CCDC106: variants seen among roughly 807,000 people sequenced by gnomAD.
The protein encoded by CCDC106 is coiled-coil domain-containing protein 106.
CCDC106 carries 17 observed loss-of-function variants against 24.7 expected under a neutral mutation model. That is an observed-to-expected ratio of 0.69 (90% CI 0.47 to 1.03). CCDC106 has a LOEUF of 1.03. Among genes scored for constraint, CCDC106 ranks in the 50% least tolerant of loss-of-function variants. The pLI, the probability that CCDC106 is intolerant of heterozygous loss-of-function variation, is 0.00. For missense variants in CCDC106, 337 were observed against 388.9 expected (o/e 0.87, Z 1.12); for synonymous variants, 211 against 161.3 (o/e 1.31, Z -2.34).
chr19:55,653,002 G>C lies in CCDC106; in HGVS notation c.*256G>C, dbSNP rs980463948. 240 of 450,774 alleles carry C rather than the reference G, an allele frequency of 5.3e-4. No individual in the cohort carries two copies. Among genetic ancestry groups the C allele is most frequent in the African/African-American group, 4.6e-3 (223 of 48,604 alleles). 27.9% of individuals were successfully genotyped at this position (450,774 alleles called of 1,614,324 possible). A position where few individuals can be genotyped will look rare whatever the true frequency, so the allele number is the denominator to read the frequency against. On this transcript the variant is annotated 3_prime_UTR_variant, in exon 5 of 5. Transcript: ENST00000586790. Reference sequence around the variant, plus strand: ...CTCCTGGAAAACCAGGCAGGCGGGTGCCCCCCCCTCGAGTGGGGGACTGTA... The same window carrying C: ...CTCCTGGAAAACCAGGCAGGCGGGTCCCCCCCCCTCGAGTGGGGGACTGTA...
Position 55,651,290 on chromosome 19 carries a change from C to T in CCDC106, c.321C>T (p.His107=), listed in dbSNP as rs1487064034. 6.2e-7 allele frequency: 1 copy of T among 1,612,678 alleles called. No individual in the cohort carries two copies. ...GTGTCTCCATCTCCCCAGAGGACCACTGCCGGATGAAGCCTGGGCCCAGGC... is the reference window on the plus strand; with the variant it reads ...GTGTCTCCATCTCCCCAGAGGACCATTGCCGGATGAAGCCTGGGCCCAGGC... ...ISSARMEAED[H]CRMKPGPRRM... The change falls in exon 4 of 5, where the codon CAC becomes CAT. Residue 107 remains histidine, a synonymous_variant. Coordinates refer to ENST00000586790, the MANE Select transcript of CCDC106 (RefSeq NM_001370470.1).
intron 3 of CCDC106, among the ~76,000 whole-genome samples, chr19:55,650,888 G>A (rs1983209832): frequency 6.6e-6 from 1 of 152,118 alleles, no homozygotes; most frequent in African/African-American, 2.4e-5. Context: ...ATTTCTCTCG[G>A]TCTGACCCCC....
intron 3 of CCDC106, 134 bp from the exon 4 acceptor site, chr19:55,651,149 C>A: frequency 2.8e-6 from 2 of 720,556 alleles, no homozygotes; most frequent in East Asian, 2.6e-5. Context: ...TACCGTACTC[C>A]TTGTCTCTCT....
At chr19:55,651,752 C>T (rs1312574871) in intron 4 of CCDC106, among the ~76,000 whole-genome samples, 1 of 152,028 alleles carries the variant, frequency 6.6e-6, no homozygotes. Flanking sequence ...ATCTCCGCCT[C>T]CCGGGTCCAC....
rs372566373 is a variant in CCDC106, at chr19:55,652,389, G to T, written c.527-41G>T. 3.3e-6 allele frequency: 5 copies of T among 1,536,678 alleles called. No homozygotes were observed. The Admixed American group carries it at 7.3e-5, about 23-fold the overall frequency. ...CCCGTGTCCGCCCCCTCAGTCTTGT[G>T]CCCTGCCCCTCACTTTCGTGTCCCC... On this transcript the variant is annotated intron_variant, in intron 4 of 4. Transcript: ENST00000586790. This position sits in a 1 kb window ranked among gnomAD's most constrained non-coding sequence, Gnocchi z 5.9.
upstream of CCDC106, among the ~76,000 whole-genome samples, chr19:55,647,834 G>A (rs1248208977): frequency 6.6e-6 from 1 of 151,966 alleles, no homozygotes; most frequent in Non-Finnish European, 1.5e-5. Context: ...TTCTCCTTTC[G>A]CTCCAACTTT....
rs1202806132 is a variant in CCDC106, at chr19:55,649,306, G to C, written c.133G>C (p.Glu45Gln). Reference protein sequence around the residue: ...YSLSPSRRNFEEPPEAASSAL... With the variant: ...YSLSPSRRNFQEPPEAASSAL... ...TCTGAGCCCCTCTCGGAGAAACTTC[G>C]AGGGTGAGCTGAGGGGGTGTGGAGG... is the stretch of plus-strand genomic sequence containing the variant. Residue 45 changes from glutamate (E) to glutamine (Q), a missense_variant, in exon 2 of 5, where the codon GAG (glutamate) becomes CAG (glutamine). Around this residue, in one of 2 missense-constraint regions of CCDC106, gnomAD observed 234 missense variants for 236.5 expected, o/e 0.99. Coordinates refer to ENST00000586790, the MANE Select transcript of CCDC106 (RefSeq NM_001370470.1). 1 of 1,613,764 alleles carries C rather than the reference G, an allele frequency of 6.2e-7. No individual in the cohort carries two copies. The highest frequency in any genetic ancestry group is 1.3e-5 in the African/African-American group (1 of 74,842).
intron 3 of CCDC106, among the ~76,000 whole-genome samples, chr19:55,650,985 C>T (rs1983218496): frequency 6.6e-6 from 1 of 152,208 alleles, no homozygotes; most frequent in South Asian, 2.1e-4. Context: ...ATTTCTCCCT[C>T]CCCTATGGGA....
rs772213366 is a variant in CCDC106, at chr19:55,649,305, C to G, written c.132C>G (p.Phe44Leu). The G allele has an allele frequency of 3.7e-6, 6 of 1,613,670 alleles. 1 individual carries two copies. In the South Asian group the frequency reaches 4.4e-5, roughly 12 times the overall value. ...FYSLSPSRRN[F>L]EEPPEAASSA... is the part of the protein sequence containing the mutation. The stretch of plus-strand genomic sequence containing the variant: ...GTCTGAGCCCCTCTCGGAGAAACTT[C>G]GAGGGTGAGCTGAGGGGGTGTGGAG... The change falls in exon 2 of 5, where the codon TTC becomes TTG. Residue 44 changes from phenylalanine to leucine, a missense_variant. Physicochemically the swap from Phe to Leu is conservative, Grantham distance 22 (BLOSUM62 0). Around this residue, in one of 2 missense-constraint regions of CCDC106, gnomAD observed 234 missense variants for 236.5 expected, o/e 0.99. Coordinates refer to ENST00000586790, the MANE Select transcript of CCDC106 (RefSeq NM_001370470.1).
Position 55,652,360 on chromosome 19 carries a change from C to T in CCDC106, c.527-70C>T. 3.6e-6 allele frequency: 5 copies of T among 1,378,198 alleles called. No homozygotes were observed. In the South Asian group the frequency reaches 6.6e-5, roughly 18 times the overall value. 85.4% of individuals were successfully genotyped at this position (1,378,198 alleles called of 1,614,324 possible). A position where few individuals can be genotyped will look rare whatever the true frequency, so the allele number is the denominator to read the frequency against. ...GATCCTTTCTTCCCATGGCCGTTTC[C>T]CTTCCCGTGTCCGCCCCCTCAGTCT... On this transcript the variant is annotated intron_variant, in intron 4 of 4. Transcript: ENST00000586790. The surrounding 1 kb of genome is among the most constrained non-coding windows in gnomAD (Gnocchi z 5.9).
rs1012727271 is a variant in CCDC106, at chr19:55,652,760, C to G, written c.*14C>G. ...TTCAAGCGGTGATCGCACCACGCCT[C>G]CGCGCCTCCACCCGGGCCTTCCTCC... On this transcript the variant is annotated 3_prime_UTR_variant, in exon 5 of 5. Coordinates refer to ENST00000586790, the MANE Select transcript of CCDC106 (RefSeq NM_001370470.1). This position sits in a 1 kb window ranked among gnomAD's most constrained non-coding sequence, Gnocchi z 5.9. 6.3e-7 allele frequency: 1 copy of G among 1,595,056 alleles called. No individual in the cohort carries two copies. Among genetic ancestry groups the G allele is most frequent in the South Asian group, 1.1e-5 (1 of 90,268 alleles).
In CCDC106 at chr19:55,648,660, G is replaced by A. The variant is rs1242794509; in HGVS notation, c.-387G>A. 2.4e-5 allele frequency: 7 copies of A among 292,914 alleles called. No individual in the cohort carries two copies. Among genetic ancestry groups the A allele is most frequent in the East Asian group, 2.2e-4 (3 of 13,908 alleles). 18.1% of individuals were successfully genotyped at this position (292,914 alleles called of 1,614,324 possible). ...GGCCTGGCAGTGGCCCGCGATGAGAGAGGGTCCTTCCCCTTCAGGCTAGGT... is the reference window on the plus strand; with the variant it reads ...GGCCTGGCAGTGGCCCGCGATGAGAAAGGGTCCTTCCCCTTCAGGCTAGGT... On this transcript the variant is annotated 5_prime_UTR_variant, in exon 1 of 5. Coordinates refer to ENST00000586790, the MANE Select transcript of CCDC106 (RefSeq NM_001370470.1).
chr19:55,651,354 G>T lies in CCDC106; in HGVS notation c.385G>T (p.Ala129Ser). ...GDSRGGAGGE[A>S]SDPESAASSL... ...CAGCCGTGGTGGGGCTGGGGGCGAG[G>T]CCTCGGACCCTGAGTCAGCAGCCTC... The change falls in exon 4 of 5, where the codon GCC (alanine) becomes TCC (serine). Residue 129 changes from alanine (A) to serine (S), a missense_variant. Coordinates refer to ENST00000586790, the MANE Select transcript of CCDC106 (RefSeq NM_001370470.1). 6.2e-7 allele frequency: 1 copy of T among 1,613,144 alleles called. No individual in the cohort carries two copies. Among genetic ancestry groups the T allele is most frequent in the Non-Finnish European group, 8.5e-7 (1 of 1,179,766 alleles).
Position 55,653,034 on chromosome 19 carries a change from C to T in CCDC106, c.*288C>T. 2.6e-6 allele frequency: 1 copy of T among 379,832 alleles called. No homozygotes were observed. The highest frequency in any genetic ancestry group is 4.2e-5 in the South Asian group (1 of 23,608). 23.5% of individuals were successfully genotyped at this position (379,832 alleles called of 1,614,324 possible). On this transcript the variant is annotated 3_prime_UTR_variant, in exon 5 of 5. Coordinates refer to ENST00000586790, the MANE Select transcript of CCDC106 (RefSeq NM_001370470.1). ...CCTCGAGTGGGGGACTGTACAGACC[C>T]CGTCTCCGCCCTGGCCCCGCGGAGG...
At chr19:55,651,542 A>G in intron 4 of CCDC106, 47 bp downstream of exon 4, 1 of 1,310,434 alleles carries the variant, frequency 7.6e-7, no homozygotes, top group East Asian at 2.5e-5. Flanking sequence ...GGGCTGCTGA[A>G]TTGCTGTGTG....
At position 55,649,198 on chromosome 19, in the gene CCDC106, TC is replaced by T; in HGVS notation, c.32-6del. ...CTCTGGGGTAACCCGGGGCCTCTCC[TC>T]TCCAGTGAAGGACGATGAGACCTTC... On this transcript the variant is annotated splice_polypyrimidine_tract_variant and splice_region_variant and intron_variant, in intron 1 of 4. Coordinates refer to ENST00000586790, the MANE Select transcript of CCDC106 (RefSeq NM_001370470.1). 1 of 1,613,316 alleles carries T rather than the reference TC, an allele frequency of 6.2e-7. No homozygotes were observed. Among genetic ancestry groups the T allele is most frequent in the South Asian group, 1.1e-5 (1 of 91,060 alleles).
Position 55,652,285 on chromosome 19 carries a change from C to T in CCDC106, c.527-145C>T. 1 of 657,042 alleles carries T rather than the reference C, an allele frequency of 1.5e-6. No homozygotes were observed. The highest frequency in any genetic ancestry group is 2.6e-6 in the Non-Finnish European group (1 of 380,788). 40.7% of individuals were successfully genotyped at this position (657,042 alleles called of 1,614,324 possible). ...TCCCCTCCTCTCTGCCCCTTCCTTG[C>T]CTGTTGTTCTCCGTCTCCACCTGCA... On this transcript the variant is annotated intron_variant, in intron 4 of 4. Coordinates refer to ENST00000586790, the MANE Select transcript of CCDC106 (RefSeq NM_001370470.1). This position sits in a 1 kb window ranked among gnomAD's most constrained non-coding sequence, Gnocchi z 5.9.
intron 4 of CCDC106, 65 bp downstream of exon 4, chr19:55,651,560 C>T (rs1207054416): frequency 3.5e-6 from 4 of 1,141,600 alleles, no homozygotes; most frequent in East Asian, 2.6e-5. Flanking sequence ...GTGTCCTTCC[C>T]AGAGGTCCCC....
Position 55,649,580 on chromosome 19 carries a change from G to T in CCDC106, c.309G>T (p.Glu103Asp). The T allele has an allele frequency of 6.2e-7, 1 of 1,613,592 alleles. No individual in the cohort carries two copies. ...AATTCATCTCTTCTGCTCGGATGGA[G>T]GCAGGTGTGTGTGGGGTGCTCTGAT... Reference protein sequence around the residue: ...LDKFISSARMEAEDHCRMKPG... With the variant: ...LDKFISSARMDAEDHCRMKPG... The change falls in exon 3 of 5, where the codon GAG (glutamate) becomes GAT (aspartate). Residue 103 changes from glutamate (E) to aspartate (D), a missense_variant. Glu to Asp is a conservative substitution (Grantham distance 45). Coordinates refer to ENST00000586790, the MANE Select transcript of CCDC106 (RefSeq NM_001370470.1).
Sources: allele counts gnomAD v4.1 joint callset (sites outside exome capture counted in the v4.1 genomes callset), GRCh38; gene constraint gnomAD v4.1.1; regional missense constraint gnomAD v4.1.1; non-coding constraint Gnocchi (gnomAD v3.1); transcripts MANE v1.5; gene names NCBI Gene and HGNC (gene_info 2026-07-23, HGNC 2026-07-21).